The following PIP4K2A variants were observed in gnomAD, a reference collection of about 807,000 sequenced individuals.
PIP4K2A encodes phosphatidylinositol-5-phosphate 4-kinase type 2 alpha, also known as phosphatidylinositol 5-phosphate 4-kinase type-2 alpha.
A neutral mutation model predicts 42.9 loss-of-function variants in PIP4K2A; 14 were observed. The observed-to-expected ratio is 0.33, with a 90% CI of 0.22 to 0.51. The LOEUF is 0.51. Ranked by LOEUF, PIP4K2A falls within the 20% of genes least tolerant of loss-of-function variation. PIP4K2A has a pLI of 0.97. For missense variants in PIP4K2A, 434 were observed against 519.8 expected, an observed-to-expected ratio of 0.83 and a Z score of 1.61; for synonymous variants, 192 against 192.2, an observed-to-expected ratio of 1.00 and a Z score of 0.01.
intron 3 of PIP4K2A, among the ~76,000 whole-genome samples, chr10:22,600,799 A>G (rs749781206): frequency 1.2e-4 from 18 of 152,250 alleles, no homozygotes; most frequent in Non-Finnish European, 2.2e-4. Context: ...CTTGAACATC[A>G]TCATCAAGGA....
chr10:22,585,977 A>T (rs1837386754), intron 4 of PIP4K2A, among the ~76,000 whole-genome samples: 1 of 152,252 alleles, frequency 6.6e-6, no homozygotes, highest in South Asian at 2.1e-4. Context: ...GGGAAAAAAA[A>T]AATTCAGTCG....
intron 1 of PIP4K2A, among the ~76,000 whole-genome samples, chr10:22,657,772 T>C (rs1839130064): frequency 6.6e-6 from 1 of 152,226 alleles, no homozygotes; most frequent in Non-Finnish European, 1.5e-5. Flanking sequence ...GCCTGCCCAC[T>C]TGAAAAACTG....
chr10:22,552,793 T>C (rs974368450), intron 6 of PIP4K2A, among the ~76,000 whole-genome samples: 2 of 152,158 alleles, frequency 1.3e-5, no homozygotes, highest in African/African-American at 4.8e-5. Flanking sequence ...GTGTTGGCGA[T>C]GGGAGGCGTG....
intron 1 of PIP4K2A, among the ~76,000 whole-genome samples, chr10:22,703,143 T>C (rs893024534): frequency 6.6e-6 from 1 of 152,138 alleles, no homozygotes; most frequent in African/African-American, 2.4e-5. Flanking sequence ...TGGTGGTTCA[T>C]GCCTCTAATC....
chr10:22,610,107 T>C (rs1333167527), intron 1 of PIP4K2A, among the ~76,000 whole-genome samples: 1 of 152,218 alleles, frequency 6.6e-6, no homozygotes, highest in Non-Finnish European at 1.5e-5. Flanking sequence ...CTTTTAAATT[T>C]TTCACGTAAA....
chr10:22,679,060 C>T (rs1339103010), intron 1 of PIP4K2A, among the ~76,000 whole-genome samples: 1 of 152,154 alleles, frequency 6.6e-6, no homozygotes, highest in African/African-American at 2.4e-5. Context: ...ACACCAACGG[C>T]AGAAGCAACA....
intron 1 of PIP4K2A, among the ~76,000 whole-genome samples, chr10:22,630,161 G>A (rs1387959122): frequency 2.0e-5 from 3 of 147,308 alleles, no homozygotes; most frequent in Non-Finnish European, 4.5e-5. Context: ...AACACAGGGC[G>A]ACTTCATGAC....
intron 4 of PIP4K2A, among the ~76,000 whole-genome samples, chr10:22,576,045 TA>T (rs1837110853): frequency 6.6e-6 from 1 of 152,150 alleles, no homozygotes; most frequent in Non-Finnish European, 1.5e-5. Flanking sequence ...GATGAATACC[TA>T]AAACTCCTGA....
intron 1 of PIP4K2A, among the ~76,000 whole-genome samples, chr10:22,706,429 A>G (rs1004869675): frequency 6.6e-6 from 1 of 152,186 alleles, no homozygotes; most frequent in Non-Finnish European, 1.5e-5. Flanking sequence ...CCTTTGCACC[A>G]GCTGACCCCT....
intron 1 of PIP4K2A, among the ~76,000 whole-genome samples, chr10:22,649,479 T>C (rs1407570400): frequency 6.6e-6 from 1 of 152,188 alleles, no homozygotes; most frequent in African/African-American, 2.4e-5. Flanking sequence ...CTTTTCCACC[T>C]AAGCGCCAAG....
chr10:22,553,750 A>G (rs939412372), intron 6 of PIP4K2A, among the ~76,000 whole-genome samples: 1 of 151,596 alleles, frequency 6.6e-6, no homozygotes, highest in African/African-American at 2.4e-5. Context: ...GCATTTAATA[A>G]AGCGCACAGA....
intron 1 of PIP4K2A, among the ~76,000 whole-genome samples, chr10:22,696,833 TA>T (rs1839982295): frequency 6.6e-6 from 1 of 152,174 alleles, no homozygotes; most frequent in Non-Finnish European, 1.5e-5. Context: ...AAAAGACCCT[TA>T]ATTTTCTACT....
At chr10:22,558,345 C>T (rs1836603329) in intron 6 of PIP4K2A, among the ~76,000 whole-genome samples, 1 of 152,120 alleles carries the variant, frequency 6.6e-6, no homozygotes, top group African/African-American at 2.4e-5. Flanking sequence ...ACAAGTATTT[C>T]TATAAGGGAA....
intron 1 of PIP4K2A, among the ~76,000 whole-genome samples, chr10:22,653,770 A>T (rs1839040030): frequency 6.6e-6 from 1 of 152,188 alleles, no homozygotes; most frequent in African/African-American, 2.4e-5. Flanking sequence ...AGCTACTCGG[A>T]GGCTGAGGCA....
At chr10:22,548,251 C>T (rs1836303675) in intron 7 of PIP4K2A, among the ~76,000 whole-genome samples, 1 of 152,220 alleles carries the variant, frequency 6.6e-6, no homozygotes, top group Admixed American at 6.5e-5. Flanking sequence ...GGATGTTTTA[C>T]ACCCTGCCTC....
In PIP4K2A at chr10:22,569,178, G is replaced by A. The variant is rs779576959; in HGVS notation, c.640-1289C>T. 8.2e-6 allele frequency: 6 copies of A among 731,016 alleles called. No homozygotes were observed. In the African/African-American group the frequency reaches 8.7e-5, roughly 11 times the overall value. 45.3% of individuals were successfully genotyped at this position (731,016 alleles called of 1,614,324 possible). A position where few individuals can be genotyped will look rare whatever the true frequency, so the allele number is the denominator to read the frequency against. On this transcript the variant is annotated intron_variant, in intron 5 of 9. Coordinates refer to ENST00000376573, the MANE Select transcript of PIP4K2A (RefSeq NM_005028.5). ...AACGGAAGAGACTCCTCACATTGGG[G>A]AAGGGAGCCAAGACCAGGCTGGGGG...
intron 1 of PIP4K2A, among the ~76,000 whole-genome samples, chr10:22,620,693 T>C (rs1289760827): frequency 6.6e-6 from 1 of 152,218 alleles, no homozygotes; most frequent in Non-Finnish European, 1.5e-5. Context: ...TGGTGCTGAG[T>C]AGCTGTGGGG....
At chr10:22,707,560 CAAG>C (rs1384807130) in intron 1 of PIP4K2A, among the ~76,000 whole-genome samples, 4 of 152,124 alleles carry the variant, frequency 2.6e-5, no homozygotes, top group Non-Finnish European at 4.4e-5. Flanking sequence ...TCTGTCCATC[CAAG>C]AAGAACAGCT....
chr10:22,714,195 C>T lies in PIP4K2A; in HGVS notation c.132G>A (p.Gly44=), dbSNP rs774859005. 4.3e-6 allele frequency: 7 copies of T among 1,609,836 alleles called. No homozygotes were observed. In the South Asian group the frequency reaches 5.5e-5, roughly 13 times the overall value. The part of the protein sequence containing the change: ...SDPLLSVLMW[G]VNHSINELSH... ...GCTGAGCCCTTACCGAGTGGTTTAC[C>T]CCCCACATGAGGACGCTGAGCAGCG... Residue 44 remains glycine (G), a synonymous_variant, in exon 1 of 10, where the codon GGG becomes GGA. Coordinates refer to ENST00000376573, the MANE Select transcript of PIP4K2A (RefSeq NM_005028.5).
Sources: gnomAD v4.1 joint callset for allele counts (sites outside exome capture counted in the v4.1 genomes callset) on GRCh38, gnomAD v4.1.1 for gene constraint, MANE v1.5 for transcripts, NCBI Gene and HGNC (gene_info 2026-07-23, HGNC 2026-07-21) for gene names.